Variants in NTRK2 observed in about 807,000 individuals in gnomAD.
NTRK2 encodes neurotrophic receptor tyrosine kinase 2.
A neutral mutation model predicts 94.5 loss-of-function variants in NTRK2; 13 were observed. The ratio of observed to expected loss-of-function variants is 0.14; its 90% CI spans 0.09 to 0.22. NTRK2 has a LOEUF of 0.22. Among genes scored for constraint, NTRK2 ranks in the 10% least tolerant of loss-of-function variants. The probability of loss-of-function intolerance (pLI) is 1.00; values close to 1 mark genes in which losing one functional copy is unlikely to be tolerated. For missense variants in NTRK2, 639 were observed against 1,071.2 expected (o/e 0.60, Z 5.63); for synonymous variants, 372 against 407.4 (o/e 0.91, Z 1.05).
chr9:84,897,551 A>C (rs1409401663), intron 14 of NTRK2, among the ~76,000 whole-genome samples: 1 of 152,158 alleles, frequency 6.6e-6, no homozygotes, highest in South Asian at 2.1e-4. Flanking sequence ...AGCAGTCATG[A>C]TGGTCCCCTG....
At chr9:84,674,501 A>T (rs189050279) in intron 2 of NTRK2, among the ~76,000 whole-genome samples, 6 of 152,292 alleles carry the variant, frequency 3.9e-5, no homozygotes, top group East Asian at 1.9e-4. Flanking sequence ...ATTCACAAAG[A>T]TTCAGTGAAA....
chr9:84,670,724 C>T lies in NTRK2; in HGVS notation c.-25C>T. 1.9e-6 allele frequency: 3 copies of T among 1,609,628 alleles called. No homozygotes were observed. The highest frequency in any genetic ancestry group is 2.5e-6 in the Non-Finnish European group (3 of 1,179,368). ...GGCCGGTGCAGCGCGGGGACAGGCA[C>T]TCGGGCTGGCACTGGCTGCTAGGGA... On this transcript the variant is annotated 5_prime_UTR_variant, in exon 2 of 19. Transcript: ENST00000277120.
intron 12 of NTRK2, among the ~76,000 whole-genome samples, chr9:84,859,174 GAATGGTTTCATGGGGCAC>G (rs1273871860): frequency 6.6e-6 from 1 of 152,190 alleles, no homozygotes; most frequent in African/African-American, 2.4e-5. Context: ...AGCGGGGTGT[GAATGGTTTCATGGGGCAC>G]ACGATGGGAG....
intron 15 of NTRK2, among the ~76,000 whole-genome samples, chr9:84,943,355 TG>T (rs1265505512): frequency 1.3e-5 from 2 of 152,252 alleles, no homozygotes; most frequent in Non-Finnish European, 2.9e-5. Context: ...ATTTTTCTTT[TG>T]TTTTTGCTCT....
intron 15 of NTRK2, among the ~76,000 whole-genome samples, chr9:84,935,987 C>A (rs956581723): frequency 6.6e-6 from 1 of 152,082 alleles, no homozygotes; most frequent in Non-Finnish European, 1.5e-5. Context: ...GTATTATAGA[C>A]AAGGAATCTT....
chr9:85,003,577 T>A (rs76367718), intron 17 of NTRK2, among the ~76,000 whole-genome samples: 2 of 152,214 alleles, frequency 1.3e-5, no homozygotes, highest in East Asian at 3.9e-4. Context: ...AGGTAGGAAC[T>A]GAGGGGTCCT....
intron 13 of NTRK2, among the ~76,000 whole-genome samples, chr9:84,863,255 A>G (rs958637400): frequency 6.6e-6 from 1 of 152,172 alleles, no homozygotes; most frequent in African/African-American, 2.4e-5. Context: ...TTAAGTCTAC[A>G]TTAGGCTTAG....
At chr9:84,698,421 G>A (rs1000062622) in intron 2 of NTRK2, among the ~76,000 whole-genome samples, 7 of 151,788 alleles carry the variant, frequency 4.6e-5, no homozygotes, top group African/African-American at 1.5e-4. Flanking sequence ...TTTAAACAAT[G>A]TCTATTTCTT....
chr9:84,833,219 A>G (rs918651766), intron 12 of NTRK2, among the ~76,000 whole-genome samples: 2 of 152,070 alleles, frequency 1.3e-5, no homozygotes, highest in Non-Finnish European at 2.9e-5. Context: ...AGTGCTTCTC[A>G]GCTTGGGCTG....
In NTRK2 at chr9:84,832,801, G is replaced by A. The variant is rs556483962; in HGVS notation, c.1397-28239G>A. On this transcript the variant is annotated intron_variant, in intron 12 of 18. Coordinates refer to ENST00000277120, the MANE Select transcript of NTRK2 (RefSeq NM_006180.6). Reference sequence around the variant, plus strand: ...TTCAATAAAAGTCTGTTTTACGGAAGTGCTCCTGAGCTGGCCCAGTGTGTT... The same window carrying A: ...TTCAATAAAAGTCTGTTTTACGGAAATGCTCCTGAGCTGGCCCAGTGTGTT... 2.4e-3 allele frequency among the ~76,000 whole-genome samples: 361 copies of A among 152,258 alleles called. 1 individual carries two copies. The highest frequency in any genetic ancestry group is 8.4e-3 in the African/African-American group (351 of 41,568).
At chr9:84,774,312 G>T (rs772503116) in intron 12 of NTRK2, among the ~76,000 whole-genome samples, 2 of 152,112 alleles carry the variant, frequency 1.3e-5, no homozygotes, top group Admixed American at 1.3e-4. Flanking sequence ...ATGCTGCCCC[G>T]GCCAGTTTTC....
intron 17 of NTRK2, among the ~76,000 whole-genome samples, chr9:84,958,810 G>A (rs1303193741): frequency 6.6e-6 from 1 of 152,198 alleles, no homozygotes; most frequent in Non-Finnish European, 1.5e-5. Context: ...TTTCATGAAA[G>A]TGAATATTTG....
At chr9:84,844,232 G>T (rs1284328870) in intron 12 of NTRK2, among the ~76,000 whole-genome samples, 1 of 152,170 alleles carries the variant, frequency 6.6e-6, no homozygotes, top group Non-Finnish European at 1.5e-5. Context: ...GGCTAGAATA[G>T]GCCATAGCTG....
chr9:84,745,071 T>C lies in NTRK2; in HGVS notation c.1294T>C (p.Ser432Pro). 1 of 1,609,174 alleles carries C rather than the reference T, an allele frequency of 6.2e-7. No individual in the cohort carries two copies. Among genetic ancestry groups the C allele is most frequent in the Non-Finnish European group, 8.5e-7 (1 of 1,175,478 alleles). ...TGATAAAACCGGTCGGGAACATCTCTCGGTGAGTGGAATAAATAGGTGTCT... is the reference window on the plus strand; with the variant it reads ...TGATAAAACCGGTCGGGAACATCTCCCGGTGAGTGGAATAAATAGGTGTCT... ...VTDKTGREHL[S>P]VYAVVVIASV... The change falls in exon 11 of 19, where the codon TCG becomes CCG. Residue 432 changes from serine (S) to proline (P), a missense_variant and splice_region_variant. By Grantham distance (74) the Ser-to-Pro change is moderately conservative (BLOSUM62 -1). Around this residue, in one of 5 missense-constraint regions of NTRK2, gnomAD observed 343 missense variants for 571.5 expected, o/e 0.60. Coordinates refer to ENST00000277120, the MANE Select transcript of NTRK2 (RefSeq NM_006180.6).
At chr9:84,892,088 G>A (rs1371344401) in intron 14 of NTRK2, among the ~76,000 whole-genome samples, 3 of 152,306 alleles carry the variant, frequency 2.0e-5, no homozygotes, top group South Asian at 4.1e-4. Flanking sequence ...AAATAGCACA[G>A]CAGCTGGAAA....
At chr9:84,912,820 G>C (rs2077280966) in intron 14 of NTRK2, among the ~76,000 whole-genome samples, 1 of 151,808 alleles carries the variant, frequency 6.6e-6, no homozygotes, top group South Asian at 2.1e-4. Context: ...GTTTCACCTT[G>C]TTAGCCAGGA....
chr9:84,982,704 A>C (rs1203361207), intron 17 of NTRK2, among the ~76,000 whole-genome samples: 3 of 152,256 alleles, frequency 2.0e-5, no homozygotes, highest in Non-Finnish European at 4.4e-5. Flanking sequence ...ATAAAAATGT[A>C]GGGGAACTAA....
intron 17 of NTRK2, among the ~76,000 whole-genome samples, chr9:85,018,809 A>T (rs1316205985): frequency 1.3e-5 from 2 of 152,198 alleles, no homozygotes; most frequent in African/African-American, 4.8e-5. Context: ...GTCTCTGTCC[A>T]TTGAACACTG....
chr9:84,959,490 C>G (rs1417523579), intron 17 of NTRK2, among the ~76,000 whole-genome samples: 1 of 152,130 alleles, frequency 6.6e-6, no homozygotes, highest in Non-Finnish European at 1.5e-5. Flanking sequence ...CAATTCATGG[C>G]AGGAGGGGCG....
Sources: gnomAD v4.1 joint callset for allele counts (sites outside exome capture counted in the v4.1 genomes callset) on GRCh38, gnomAD v4.1.1 for gene constraint, gnomAD v4.1.1 regional missense constraint, MANE v1.5 for transcripts, NCBI Gene and HGNC (gene_info 2026-07-23, HGNC 2026-07-21) for gene names.